USH1C: variants seen among roughly 807,000 people sequenced by gnomAD.
USH1C encodes the protein harmonin.
Under a neutral mutation model 119.3 loss-of-function variants are expected in USH1C, and 90 were observed. That is an observed-to-expected ratio of 0.75 (90% CI 0.64 to 0.90). USH1C has a LOEUF of 0.90. Among genes scored for constraint, USH1C ranks in the 40% least tolerant of loss-of-function variants. The pLI is 0.00. For synonymous variants in USH1C, 465 were observed against 443.3 expected, an observed-to-expected ratio of 1.05 and a Z score of -0.62; for missense variants, 1,165 against 1,167.7, an observed-to-expected ratio of 1.00 and a Z score of 0.03.
rs1565015953 is a variant in USH1C at position 17,495,697 on chromosome 11, C to T, written c.2547-20G>A. ...GAAGCTCTATATATACAGAGCAGAG[C>T]AAGAAACACAAAACAGGCTTGGTTA... On this transcript the variant is annotated intron_variant, in intron 25 of 26. Transcript: ENST00000005226. The T allele has an allele frequency of 1.2e-6, 2 of 1,612,914 alleles. No individual in the cohort carries two copies. Among genetic ancestry groups the T allele is most frequent in the Non-Finnish European group, 1.7e-6 (2 of 1,178,974 alleles).
At chr11:17,502,365 A>G (rs953571833) in intron 20 of USH1C, among the ~76,000 whole-genome samples, 22 of 152,218 alleles carry the variant, frequency 1.4e-4, no homozygotes, top group African/African-American at 5.3e-4. Context: ...CCACTGGAGC[A>G]GGCCCAGGCC....
At chr11:17,516,483 C>T (rs890464610) in intron 14 of USH1C, 193 bp from the exon 15 acceptor site, 1 of 595,860 alleles carries the variant, frequency 1.7e-6, no homozygotes, top group Non-Finnish European at 3.0e-6. Context: ...CAGAACAGGC[C>T]TAAGACCACC....
chr11:17,496,213 A>C (rs1849244459), intron 25 of USH1C, among the ~76,000 whole-genome samples: 1 of 152,000 alleles, frequency 6.6e-6, no homozygotes, highest in African/African-American at 2.4e-5. Flanking sequence ...AGGAGGAGAG[A>C]AGACAGAGAG....
Position 17,516,223 on chromosome 11 carries a change from C to A in USH1C, c.1260+18G>T. The A allele has an allele frequency of 6.2e-7, 1 of 1,613,586 alleles. No individual in the cohort carries two copies. Among genetic ancestry groups the A allele is most frequent in the Non-Finnish European group, 8.5e-7 (1 of 1,179,788 alleles). ...CAAACTAAGCAGCACACCAGCACAG[C>A]ACCCAACCCTGTCCTACCTTCCGGA... On this transcript the variant is annotated intron_variant, in intron 15 of 26. Transcript: ENST00000005226.
Position 17,496,789 on chromosome 11 carries a change from C to T in USH1C, c.2515G>A (p.Val839Ile), listed in dbSNP as rs370178142. Residue 839 changes from valine to isoleucine, a missense_variant, in exon 25 of 27, where the codon GTC (valine) becomes ATC (isoleucine). Transcript: ENST00000005226. ...TCGTCATACTCCTTTGGGGGGCAGACGGCAACCACAAGGTCGATCCAGTCC... is the reference window on the plus strand; with the variant it reads ...TCGTCATACTCCTTTGGGGGGCAGATGGCAACCACAAGGTCGATCCAGTCC... ...GGDWIDLVVA[V>I]CPPKEYDDEL... 3.3e-5 allele frequency: 54 copies of T among 1,614,066 alleles called. No homozygotes were observed. The highest frequency in any genetic ancestry group is 4.2e-5 in the Non-Finnish European group (50 of 1,180,014).
At chr11:17,510,973 A>G (rs966902747) in intron 16 of USH1C, among the ~76,000 whole-genome samples, 7 of 152,166 alleles carry the variant, frequency 4.6e-5, no homozygotes, top group Admixed American at 1.3e-4. Flanking sequence ...ATAATGTCAG[A>G]CCTAATGCAT....
rs1458828456 is a variant in USH1C, at chr11:17,511,926, T to C, written c.1389A>G (p.Leu463=). ...KEEMLEKEKQ[L]KINRLAQEVS... ...CCTCCTGGGCCAGCCGGTTGATCTT[T>C]AGCTGCTTTTCCTTCTCCAGCATTT... Residue 463 remains leucine (L), a synonymous_variant, in exon 16 of 27, where the codon CTA becomes CTG. Coordinates refer to ENST00000005226, the MANE Select transcript of USH1C (RefSeq NM_153676.4). 1 of 1,614,048 alleles carries C rather than the reference T, an allele frequency of 6.2e-7. No homozygotes were observed. Among genetic ancestry groups the C allele is most frequent in the Admixed American group, 1.7e-5 (1 of 59,978 alleles).
At chr11:17,542,557 T>C (rs938363856) in intron 1 of USH1C, among the ~76,000 whole-genome samples, 3 of 152,220 alleles carry the variant, frequency 2.0e-5, no homozygotes, top group Admixed American at 1.3e-4. Context: ...CTTTGGAGCC[T>C]GTGGGACCTG....
intron 10 of USH1C, 72 bp from the exon 11 acceptor site, chr11:17,523,339 C>A: frequency 6.2e-7 from 1 of 1,613,780 alleles, no homozygotes; most frequent in Non-Finnish European, 8.5e-7. Context: ...CACAGAAGGC[C>A]CCAGGCTCCA....
chr11:17,524,598 A>T, intron 8 of USH1C, 63 bp from the exon 9 acceptor site: 1 of 1,535,264 alleles, frequency 6.5e-7, no homozygotes, highest in Non-Finnish European at 8.8e-7. Context: ...CTCAGGATAC[A>T]GGTCACTCAT....
chr11:17,501,592 G>A (rs1465395743), intron 21 of USH1C, 57 bp from the exon 22 acceptor site: 2 of 1,570,702 alleles, frequency 1.3e-6, no homozygotes, highest in Non-Finnish European at 1.7e-6. Flanking sequence ...GGCGCTTGGG[G>A]TAGGGCTGGA....
intron 25 of USH1C, among the ~76,000 whole-genome samples, chr11:17,495,998 A>C (rs1457847941): frequency 2.0e-5 from 3 of 152,066 alleles, no homozygotes; most frequent in Non-Finnish European, 4.4e-5. Flanking sequence ...GAGGCAGAGA[A>C]ACAGAGAAAG....
chr11:17,504,502 AGGACAC>A (rs1849566962), intron 20 of USH1C, 139 bp downstream of exon 20: 1 of 873,452 alleles, frequency 1.1e-6, no homozygotes, highest in Admixed American at 1.9e-5. Context: ...CAGGCAATGG[AGGACAC>A]AGCTCTGGCC....
rs569237237 is a variant in USH1C, at chr11:17,502,759, T to C, written c.2185-779A>G. Among the ~76,000 whole-genome samples, 5 of 152,300 alleles carry C rather than the reference T, an allele frequency of 3.3e-5. No individual in the cohort carries two copies. The South Asian group carries it at 1.0e-3, about 32-fold the overall frequency. ...ACACAGTGAGGTAGTCCCTGAACTATGTGGCCTTCCTCGGGAGTCACACAC... is the reference window on the plus strand; with the variant it reads ...ACACAGTGAGGTAGTCCCTGAACTACGTGGCCTTCCTCGGGAGTCACACAC... On this transcript the variant is annotated intron_variant, in intron 20 of 26. Transcript: ENST00000005226.
At chr11:17,534,174 T>C (rs1179264898) in intron 1 of USH1C, among the ~76,000 whole-genome samples, 2 of 152,160 alleles carry the variant, frequency 1.3e-5, no homozygotes, top group Admixed American at 1.3e-4. Context: ...GGTCCCTCTC[T>C]CCTCCAGCCT....
intron 15 of USH1C, chr11:17,514,556 A>G (rs926763533): frequency 2.0e-5 from 3 of 152,222 alleles, no homozygotes; most frequent in Non-Finnish European, 2.9e-5. Context: ...TATCATGGCC[A>G]TGGATACCCA....
rs374376964 is a variant in USH1C at position 17,501,072 on chromosome 11, G to A, written c.2359C>T (p.Arg787Trp). The A allele has an allele frequency of 7.4e-6, 12 of 1,613,814 alleles. No homozygotes were observed. Among genetic ancestry groups the A allele is most frequent in the South Asian group, 4.4e-5 (4 of 91,038 alleles). ...TCACCATGCCGCTCAGCAGCTCCCC[G>A]CTCATACACAGCAGAAACGACCACC... Reference protein sequence around the residue: ...GKVVVSAVYERGAAERHGGIV... With the variant: ...GKVVVSAVYEWGAAERHGGIV... The change falls in exon 23 of 27, where the codon CGG (arginine) becomes TGG (tryptophan). Residue 787 changes from arginine to tryptophan, a missense_variant. Coordinates refer to ENST00000005226, the MANE Select transcript of USH1C (RefSeq NM_153676.4).
At position 17,526,457 on chromosome 11, in the gene USH1C, A is replaced by C. The variant is rs563014838; in HGVS notation, c.580-16T>G. 22 of 1,611,542 alleles carry C rather than the reference A, an allele frequency of 1.4e-5. No individual in the cohort carries two copies. In the Admixed American group the frequency reaches 2.8e-4, roughly 21 times the overall value. ...CTCGCACGCCCTGAAAGAGAGATAGAAGCAGAATCACGGAGTGTCCACATG... is the reference window on the plus strand; with the variant it reads ...CTCGCACGCCCTGAAAGAGAGATAGCAGCAGAATCACGGAGTGTCCACATG... On this transcript the variant is annotated splice_polypyrimidine_tract_variant and intron_variant, in intron 7 of 26. Transcript: ENST00000005226.
At chr11:17,516,387 A>T in intron 14 of USH1C, 97 bp from the exon 15 acceptor site, 1 of 1,215,282 alleles carries the variant, frequency 8.2e-7, no homozygotes, top group Non-Finnish European at 1.2e-6. Context: ...GGAATGCATG[A>T]CTTTGTGAGA....
Sources: gnomAD v4.1 joint callset for allele counts (sites outside exome capture counted in the v4.1 genomes callset) on GRCh38, gnomAD v4.1.1 for gene constraint, MANE v1.5 for transcripts, NCBI Gene and HGNC (gene_info 2026-07-23, HGNC 2026-07-21) for gene names.